The following TRPC1 variants were observed in gnomAD, a reference collection of about 807,000 sequenced individuals.
TRPC1 encodes transient receptor potential cation channel subfamily C member 1.
TRPC1 carries 42 observed loss-of-function variants against 88.2 expected under a neutral mutation model. The ratio of observed to expected loss-of-function variants is 0.48; its 90% CI spans 0.37 to 0.62. The LOEUF is 0.62. TRPC1 is among the 20% of genes least tolerant of loss of function. The pLI is 0.00. For missense variants in TRPC1, 699 were observed against 957.3 expected (o/e 0.73, Z 3.56); for synonymous variants, 288 against 331.8 (o/e 0.87, Z 1.43).
At position 142,736,383 on chromosome 3, in the gene TRPC1, CTA is replaced by C; in HGVS notation, c.179_180del (p.Tyr60LeufsTer4). 1 of 1,598,368 alleles carries C rather than the reference CTA, an allele frequency of 6.3e-7. No homozygotes were observed. Among genetic ancestry groups the C allele is most frequent in the Non-Finnish European group, 8.5e-7 (1 of 1,173,272 alleles). On this transcript the variant is annotated frameshift_variant, in exon 2 of 13. Transcript: ENST00000476941. LOFTEE classifies it high-confidence loss of function. ...TGTTTGTATATTGTTATTTAGGTGA[CTA>C]TTATATGGTTAAAAAGATTTTGGAG... ...LFLLACDKGD[Y>X]YMVKKILEEN...
At position 142,785,128 on chromosome 3, in the gene TRPC1, A is replaced by G. The variant is rs990263330; in HGVS notation, c.1297+88A>G. Reference sequence around the variant, plus strand: ...GATGGCATTGTGAATATTGGGTTCAATTTGCAATTTTACACTGTTCACACC... The same window carrying G: ...GATGGCATTGTGAATATTGGGTTCAGTTTGCAATTTTACACTGTTCACACC... On this transcript the variant is annotated intron_variant, in intron 7 of 12. Transcript: ENST00000476941. The G allele has an allele frequency of 2.1e-5, 26 of 1,243,540 alleles. No individual in the cohort carries two copies. In the African/African-American group the frequency reaches 3.4e-4, roughly 16 times the overall value. The allele number at this position is 1,243,540 out of a possible 1,614,324, so 77.0% of individuals were successfully genotyped here.
At chr3:142,751,469 T>C (rs934886233) in intron 4 of TRPC1, among the ~76,000 whole-genome samples, 46 of 152,340 alleles carry the variant, frequency 3.0e-4, no homozygotes, top group African/African-American at 1.0e-3. Context: ...TAATGGGCTA[T>C]GTCAACTAGG....
rs758501186 is a variant in TRPC1, at chr3:142,804,607, G to A, written c.2131G>A (p.Val711Ile). Residue 711 changes from valine (V) to isoleucine (I), a missense_variant, in exon 12 of 13, where the codon GTC becomes ATC. Transcript: ENST00000476941. ...TTGCTCTCATACATCAAAAGGCAAG[G>A]TCAAACGGCAAAACAGTTTAAAGGT... ...WICSHTSKGK[V>I]KRQNSLKEWR... is the part of the protein sequence containing the mutation. 8.1e-6 allele frequency: 13 copies of A among 1,604,422 alleles called. No homozygotes were observed. Among genetic ancestry groups the A allele is most frequent in the Non-Finnish European group, 1.1e-5 (13 of 1,176,456 alleles).
At chr3:142,771,740 T>G (rs1020685927) in intron 4 of TRPC1, among the ~76,000 whole-genome samples, 2 of 152,196 alleles carry the variant, frequency 1.3e-5, no homozygotes, top group Admixed American at 1.3e-4. Context: ...CATTTCTATG[T>G]TATAGGCCAA....
chr3:142,736,434 C>T lies in TRPC1; in HGVS notation c.228C>T (p.Asn76=), dbSNP rs753690133. 6 of 1,612,230 alleles carry T rather than the reference C, an allele frequency of 3.7e-6. 1 individual carries two copies. The South Asian group carries it at 5.5e-5, about 15-fold the overall frequency. ...ILEENSSGDL[N]INCVDVLGRN... ...AGGAAAACAGTTCAGGTGACTTGAA[C>T]ATAAATTGCGTAGATGTGCTTGGGA... Residue 76 remains asparagine (N), a synonymous_variant, in exon 2 of 13, where the codon AAC becomes AAT. Coordinates refer to ENST00000476941, the MANE Select transcript of TRPC1 (RefSeq NM_001251845.2).
chr3:142,803,884 T>C (rs1936696193), intron 10 of TRPC1, 93 bp from the exon 11 acceptor site: 10 of 1,261,804 alleles, frequency 7.9e-6, no homozygotes, highest in Non-Finnish European at 1.1e-5. Flanking sequence ...GGATTATCAA[T>C]GTTTTATTTA....
At chr3:142,728,767 C>T (rs559857316) in intron 1 of TRPC1, among the ~76,000 whole-genome samples, 3 of 152,240 alleles carry the variant, frequency 2.0e-5, no homozygotes, top group Admixed American at 6.5e-5. Context: ...GTTTTTTAAA[C>T]ACCTTATTTA....
At chr3:142,791,505 C>T (rs1417479653) in intron 8 of TRPC1, among the ~76,000 whole-genome samples, 5 of 151,962 alleles carry the variant, frequency 3.3e-5, no homozygotes, top group Non-Finnish European at 5.9e-5. Context: ...ACAACTTGTC[C>T]GAAACCACAC....
chr3:142,754,592 A>G (rs1252831859), intron 4 of TRPC1, among the ~76,000 whole-genome samples: 1 of 152,218 alleles, frequency 6.6e-6, no homozygotes, highest in South Asian at 2.1e-4. Context: ...TTTAACTTGC[A>G]TAGTGTTTTT....
intron 8 of TRPC1, among the ~76,000 whole-genome samples, chr3:142,791,708 T>A (rs1014422880): frequency 6.6e-6 from 1 of 152,130 alleles, no homozygotes; most frequent in Non-Finnish European, 1.5e-5. Context: ...TTCCATTCCA[T>A]TCCATTTCAT....
At chr3:142,773,409 C>T (rs1430777694) in intron 4 of TRPC1, among the ~76,000 whole-genome samples, 1 of 151,806 alleles carries the variant, frequency 6.6e-6, no homozygotes, top group Non-Finnish European at 1.5e-5. Context: ...TATAAATATG[C>T]TCACAGTACT....
intron 9 of TRPC1, among the ~76,000 whole-genome samples, chr3:142,796,285 T>C (rs1395669798): frequency 6.6e-6 from 1 of 152,126 alleles, no homozygotes; most frequent in Non-Finnish European, 1.5e-5. Flanking sequence ...CAGAATAATA[T>C]GATTCCCTCA....
chr3:142,764,199 T>C (rs1391592916), intron 4 of TRPC1, among the ~76,000 whole-genome samples: 1 of 151,826 alleles, frequency 6.6e-6, no homozygotes, highest in African/African-American at 2.4e-5. Flanking sequence ...TATATTTTTA[T>C]ATTACCTATT....
At chr3:142,788,619 A>G (rs1156328319) in intron 7 of TRPC1, among the ~76,000 whole-genome samples, 1 of 152,134 alleles carries the variant, frequency 6.6e-6, no homozygotes, top group African/African-American at 2.4e-5. Context: ...TAGGTGGTAT[A>G]TGAAACTATA....
rs948054198 is a variant in TRPC1, at chr3:142,804,381, A to G, written c.1960-55A>G. ...TCTGCAAGGTGTGGAAACATCCCCC[A>G]TATTTGTGTGTGTATTAATATTCTA... is the stretch of plus-strand genomic sequence containing the variant. On this transcript the variant is annotated intron_variant, in intron 11 of 12. Transcript: ENST00000476941. 3 of 1,469,484 alleles carry G rather than the reference A, an allele frequency of 2.0e-6. No homozygotes were observed. In the African/African-American group the frequency reaches 4.2e-5, roughly 21 times the overall value. The allele number at this position is 1,469,484 out of a possible 1,614,324, so 91.0% of individuals were successfully genotyped here.
chr3:142,790,671 CGT>C (rs997838000), intron 7 of TRPC1, among the ~76,000 whole-genome samples: 1 of 151,800 alleles, frequency 6.6e-6, no homozygotes, highest in African/African-American at 2.4e-5. Flanking sequence ...TGTGTGTATC[CGT>C]GTGTGTCTCC....
chr3:142,784,976 T>C lies in TRPC1; in HGVS notation c.1233T>C (p.Asp411=). ...TATACTCTCTTGTCTACAATGAGGA[T>C]AAGAAAAACACAATGGGGCCAGCCC... The part of the protein sequence containing the change: ...LNLYSLVYNE[D]KKNTMGPALE... The change falls in exon 7 of 13, where the codon GAT becomes GAC. Residue 411 remains aspartate (D), a synonymous_variant. Transcript: ENST00000476941. 1 of 1,613,820 alleles carries C rather than the reference T, an allele frequency of 6.2e-7. No homozygotes were observed. The highest frequency in any genetic ancestry group is 1.1e-5 in the South Asian group (1 of 91,016).
chr3:142,800,468 G>C (rs1478814362), intron 9 of TRPC1, among the ~76,000 whole-genome samples: 6 of 152,146 alleles, frequency 3.9e-5, no homozygotes, highest in African/African-American at 1.4e-4. Context: ...CCAGTTGCCT[G>C]TGGCTACCAT....
intron 7 of TRPC1, among the ~76,000 whole-genome samples, chr3:142,785,721 G>A (rs1322511193): frequency 6.6e-6 from 1 of 152,058 alleles, no homozygotes; most frequent in African/African-American, 2.4e-5. Context: ...GGCTGGTCTC[G>A]AACTCCTGAC....
Sources: gnomAD v4.1 joint callset for allele counts (sites outside exome capture counted in the v4.1 genomes callset) on GRCh38, gnomAD v4.1.1 for gene constraint, MANE v1.5 for transcripts, NCBI Gene and HGNC (gene_info 2026-07-23, HGNC 2026-07-21) for gene names.